The following IGFL3 variants were observed in gnomAD, a reference collection of about 807,000 sequenced individuals.
IGFL3 encodes the protein IGF like family member 3, also known as insulin growth factor-like family member 3.
Under a neutral mutation model 17.0 loss-of-function variants are expected in IGFL3, and 12 were observed. The ratio of observed to expected loss-of-function variants is 0.71; its 90% confidence interval spans 0.45 to 1.14. IGFL3 has a LOEUF of 1.14. Among genes scored for constraint, IGFL3 ranks in the 50% most tolerant of loss-of-function variants. The probability of loss-of-function intolerance (pLI) is 0.00; values close to 1 mark genes in which losing one functional copy is unlikely to be tolerated. For synonymous variants in IGFL3, 52 were observed against 57.4 expected (o/e 0.91, Z 0.42); for missense variants, 153 against 151.6 (o/e 1.01, Z -0.05).
chr19:46,123,967 T>C lies in IGFL3; in HGVS notation c.269A>G (p.Gln90Arg). The C allele has an allele frequency of 6.2e-7, 1 of 1,611,512 alleles. No homozygotes were observed. The highest frequency in any genetic ancestry group is 8.5e-7 in the Non-Finnish European group (1 of 1,179,640). Reference protein sequence around the residue: ...ELCCPESFGPQQKFLVKLRVL... With the variant: ...ELCCPESFGPRQKFLVKLRVL... ...CCTCAACTTCACAAGAAACTTCTGC[T>C]GGGGGCCAAAAGACTCGGGACAGCA... The change falls in exon 3 of 4, where the codon CAG becomes CGG. Residue 90 changes from glutamine to arginine, a missense_variant. Gln to Arg is a conservative substitution (Grantham distance 43, BLOSUM62 1). Coordinates refer to ENST00000341415, the MANE Select transcript of IGFL3 (RefSeq NM_207393.2).
At position 46,120,185 on chromosome 19, in the gene IGFL3, G is replaced by C; in HGVS notation, c.*145C>G. On this transcript the variant is annotated 3_prime_UTR_variant, in exon 4 of 4. Transcript: ENST00000341415. ...TTCCCCTGAAGTCTGGCCATCCCCAGCTGGGCTCCTCTCCAAAGCTATGTC... is the reference window on the plus strand; with the variant it reads ...TTCCCCTGAAGTCTGGCCATCCCCACCTGGGCTCCTCTCCAAAGCTATGTC... 8.4e-7 allele frequency: 1 copy of C among 1,188,660 alleles called. No individual in the cohort carries two copies. The highest frequency in any genetic ancestry group is 1.1e-6 in the Non-Finnish European group (1 of 873,034). The allele number at this position is 1,188,660 out of a possible 1,614,324, so 73.6% of individuals were successfully genotyped here.
At chr19:46,124,186 A>G (rs745642002) in intron 2 of IGFL3, 30 bp from the exon 3 acceptor site, 2 of 1,610,160 alleles carry the variant, frequency 1.2e-6, no homozygotes, top group East Asian at 2.3e-5. Flanking sequence ...GTGTACATCC[A>G]AGGAAGAACA....
In IGFL3 at chr19:46,124,683, A is replaced by T; in HGVS notation, c.-34T>A. The T allele has an allele frequency of 6.3e-7, 1 of 1,597,534 alleles. No individual in the cohort carries two copies. The highest frequency in any genetic ancestry group is 1.1e-5 in the South Asian group (1 of 90,458). ...AGATGCTCTAGGAGAATTGAAGAAG[A>T]GTGGTAAAAGGCTGGAACTTATGGA... On this transcript the variant is annotated 5_prime_UTR_variant, in exon 1 of 4. Coordinates refer to ENST00000341415, the MANE Select transcript of IGFL3 (RefSeq NM_207393.2).
intron 3 of IGFL3, among the ~76,000 whole-genome samples, chr19:46,121,505 A>G (rs1971767007): frequency 6.6e-6 from 1 of 150,434 alleles, no homozygotes; most frequent in Non-Finnish European, 1.5e-5. Flanking sequence ...TCAACAGCCC[A>G]CTGAGAGGAG....
Position 46,124,075 on chromosome 19 carries a change from C to T in IGFL3, c.161G>A (p.Cys54Tyr). Reference sequence around the variant, plus strand: ...GGATAAGATGGCATCATCATAACAGCACTGCTCTGAAGGGTTGTAGATCTT... The same window carrying T: ...GGATAAGATGGCATCATCATAACAGTACTGCTCTGAAGGGTTGTAGATCTT... ...GNKIYNPSEQCCYDDAILSLK... is the reference protein window; with the variant it reads ...GNKIYNPSEQYCYDDAILSLK... The change falls in exon 3 of 4, where the codon TGC (cysteine) becomes TAC (tyrosine). Residue 54 changes from cysteine (C) to tyrosine (Y), a missense_variant. Physicochemically the swap from Cys to Tyr is radical, Grantham distance 194 (BLOSUM62 -2). Coordinates refer to ENST00000341415, the MANE Select transcript of IGFL3 (RefSeq NM_207393.2). The T allele has an allele frequency of 3.7e-6, 6 of 1,611,648 alleles. No individual in the cohort carries two copies. The highest frequency in any genetic ancestry group is 1.7e-4 in the Middle Eastern group (1 of 6,052).
chr19:46,121,445 A>G lies in IGFL3; in HGVS notation c.351-1088T>C, dbSNP rs189104264. On this transcript the variant is annotated intron_variant, in intron 3 of 3. Coordinates refer to ENST00000341415, the MANE Select transcript of IGFL3 (RefSeq NM_207393.2). ...AGAAAATTTCTAAGATTTTCCTCCC[A>G]TCCTACTTACTCCAACACTCATAGC... 6.6e-4 allele frequency among the ~76,000 whole-genome samples: 99 copies of G among 149,292 alleles called. 1 individual carries two copies. The highest frequency in any genetic ancestry group is 1.2e-3 in the Non-Finnish European group (80 of 67,692).
chr19:46,120,309 T>C lies in IGFL3; in HGVS notation c.*21A>G. On this transcript the variant is annotated 3_prime_UTR_variant, in exon 4 of 4. Coordinates refer to ENST00000341415, the MANE Select transcript of IGFL3 (RefSeq NM_207393.2). Reference sequence around the variant, plus strand: ...GTCTCTTCTCCCCTTGTCTGCCGTCTGCCAGTGGAGCCTGGGGTTTTTATG... The same window carrying C: ...GTCTCTTCTCCCCTTGTCTGCCGTCCGCCAGTGGAGCCTGGGGTTTTTATG... The C allele has an allele frequency of 3.7e-6, 6 of 1,610,860 alleles. No homozygotes were observed. The highest frequency in any genetic ancestry group is 5.1e-6 in the Non-Finnish European group (6 of 1,179,478).
intron 3 of IGFL3, 64 bp downstream of exon 3, chr19:46,123,822 A>C: frequency 6.6e-7 from 1 of 1,507,426 alleles, no homozygotes; most frequent in African/African-American, 1.4e-5. Flanking sequence ...GTTCCTCTTC[A>C]AGCCCTCTGT....
chr19:46,120,819 T>C (rs1012040780), intron 3 of IGFL3, among the ~76,000 whole-genome samples: 1 of 150,888 alleles, frequency 6.6e-6, no homozygotes, highest in Non-Finnish European at 1.5e-5. Flanking sequence ...TCAAGTGTTC[T>C]TACCACAGAA....
In IGFL3 at chr19:46,124,632, G is replaced by A. The variant is rs1434837579; in HGVS notation, c.18C>T (p.Cys6=). Residue 6 remains cysteine (C), a synonymous_variant, in exon 1 of 4, where the codon TGC becomes TGT. Coordinates refer to ENST00000341415, the MANE Select transcript of IGFL3 (RefSeq NM_207393.2). ...ATTTGGGGTCCTACTTGCCCAAGAT[G>A]CAGCATCGTGGCCTCATGCTTCCAA... MRPRC[C]ILALVCWITV... 1 of 1,609,078 alleles carries A rather than the reference G, an allele frequency of 6.2e-7. No individual in the cohort carries two copies. The highest frequency in any genetic ancestry group is 1.1e-5 in the South Asian group (1 of 90,780).
At chr19:46,121,400 A>AG (rs1971757926) in intron 3 of IGFL3, among the ~76,000 whole-genome samples, 1 of 148,672 alleles carries the variant, frequency 6.7e-6, no homozygotes, top group Admixed American at 6.7e-5. Context: ...TCTTGAAAAA[A>AG]AAAAAAAAAG....
chr19:46,122,978 A>G (rs1342740523), intron 3 of IGFL3, among the ~76,000 whole-genome samples: 1 of 150,888 alleles, frequency 6.6e-6, no homozygotes, highest in African/African-American at 2.5e-5. Flanking sequence ...GGTAAAAAAA[A>G]TGACATTTGA....
Position 46,124,276 on chromosome 19 carries a change from C to G in IGFL3, c.71G>C (p.Gly24Ala). 1.9e-6 allele frequency: 3 copies of G among 1,610,746 alleles called. No homozygotes were observed. The highest frequency in any genetic ancestry group is 4.5e-5 in the East Asian group (2 of 44,424). Residue 24 changes from glycine to alanine, a missense_variant, in exon 2 of 4, where the codon GGA becomes GCA. Physicochemically the swap from Gly to Ala is moderately conservative, Grantham distance 60. Transcript: ENST00000341415. ...ITVFLLQCSK[G>A]TTDAPVGSGL... Reference sequence around the variant, plus strand: ...CCCTGTCCTGTCCTTACCTGTAGTTCCTTTTGAACACTGGAGGAGGAAGAC... The same window carrying G: ...CCCTGTCCTGTCCTTACCTGTAGTTGCTTTTGAACACTGGAGGAGGAAGAC...
At position 46,123,732 on chromosome 19, in the gene IGFL3, T is replaced by G. The variant is rs118058359; in HGVS notation, c.350+154A>C. Among the ~76,000 whole-genome samples the G allele has an allele frequency of 1.4e-4, 21 of 151,034 alleles. 1 individual carries two copies. The highest frequency in any genetic ancestry group is 2.8e-4 in the Non-Finnish European group (19 of 67,966). The stretch of plus-strand genomic sequence containing the variant: ...TCGACCATGAAGAAAGGCAGACTTA[T>G]AGCTTATCTGCTTCTTCTTTTTGCT... On this transcript the variant is annotated intron_variant, in intron 3 of 3. Coordinates refer to ENST00000341415, the MANE Select transcript of IGFL3 (RefSeq NM_207393.2).
chr19:46,124,214 C>T, intron 2 of IGFL3, 54 bp downstream of exon 2: 1 of 1,609,224 alleles, frequency 6.2e-7, no homozygotes. Flanking sequence ...AATTCCCAGT[C>T]TCTTTTCCCA....
intron 1 of IGFL3, 35 bp downstream of exon 1, chr19:46,124,590 G>C: frequency 6.3e-7 from 1 of 1,582,894 alleles, no homozygotes; most frequent in South Asian, 1.1e-5. Context: ...CTGGGAATGA[G>C]ATGAGATGAT....
In IGFL3 at chr19:46,122,815, C is replaced by A. The variant is rs533984661; in HGVS notation, c.350+1071G>T. Among the ~76,000 whole-genome samples the A allele has an allele frequency of 1.7e-4, 25 of 150,864 alleles. 3 individuals carry two copies. Among genetic ancestry groups the A allele is most frequent in the African/African-American group, 6.1e-4 (25 of 40,696 alleles). On this transcript the variant is annotated intron_variant, in intron 3 of 3. Transcript: ENST00000341415. Reference sequence around the variant, plus strand: ...ACACAAATTTTAATTTCTGAACACCCTTCCAGTAAGATTGTAAAGGTGGGA... The same window carrying A: ...ACACAAATTTTAATTTCTGAACACCATTCCAGTAAGATTGTAAAGGTGGGA...
chr19:46,124,642 G>A lies in IGFL3; in HGVS notation c.8C>T (p.Pro3Leu), dbSNP rs1326588900. ...CTACTTGCCCAAGATGCAGCATCGT[G>A]GCCTCATGCTTCCAAAGATGCTCTA... is the stretch of plus-strand genomic sequence containing the variant. The part of the protein sequence containing the change: MR[P>L]RCCILALVCW... The change falls in exon 1 of 4, where the codon CCA (proline) becomes CTA (leucine). Residue 3 changes from proline (P) to leucine (L), a missense_variant. By Grantham distance (98) the Pro-to-Leu change is moderately conservative (BLOSUM62 -3). Transcript: ENST00000341415. 1 of 1,609,086 alleles carries A rather than the reference G, an allele frequency of 6.2e-7. No individual in the cohort carries two copies. The highest frequency in any genetic ancestry group is 1.1e-5 in the South Asian group (1 of 90,794).
In IGFL3 at chr19:46,123,959, A is replaced by G; in HGVS notation, c.277T>C (p.Phe93Leu). The G allele has an allele frequency of 6.2e-7, 1 of 1,611,536 alleles. No homozygotes were observed. The highest frequency in any genetic ancestry group is 1.1e-5 in the South Asian group (1 of 90,896). The change falls in exon 3 of 4, where the codon TTT becomes CTT. Residue 93 changes from phenylalanine (F) to leucine (L), a missense_variant. Transcript: ENST00000341415. ...CPESFGPQQK[F>L]LVKLRVLGMK... The stretch of plus-strand genomic sequence containing the variant: ...CCCAGAACCCTCAACTTCACAAGAA[A>G]CTTCTGCTGGGGGCCAAAAGACTCG...
Sources: gnomAD v4.1 joint callset for allele counts (sites outside exome capture counted in the v4.1 genomes callset) on GRCh38, gnomAD v4.1.1 for gene constraint, MANE v1.5 for transcripts, NCBI Gene and HGNC (gene_info 2026-07-23, HGNC 2026-07-21) for gene names.